Variants in SPAG16 observed in about 807,000 individuals in gnomAD.
SPAG16 encodes the protein sperm associated antigen 16.
A neutral mutation model predicts 80.4 loss-of-function variants in SPAG16; 86 were observed. The ratio of observed to expected loss-of-function variants is 1.07; its 90% CI spans 0.90 to 1.28. The LOEUF is 1.28. SPAG16 is among the 50% of genes most tolerant of loss of function. The probability of loss-of-function intolerance (pLI) is 0.00; values close to 1 mark genes in which losing one functional copy is unlikely to be tolerated. For synonymous variants in SPAG16, 294 were observed against 265.9 expected, an observed-to-expected ratio of 1.11 and a Z score of -1.03; for missense variants, 870 against 765.3, an observed-to-expected ratio of 1.14 and a Z score of -1.61.
At chr2:213,789,453 G>A (rs191315652) in intron 10 of SPAG16, among the ~76,000 whole-genome samples, 2 of 152,062 alleles carry the variant, frequency 1.3e-5, no homozygotes, top group Non-Finnish European at 2.9e-5. Context: ...TTGCCTTTAT[G>A]TTCAGATTTA....
chr2:213,927,937 A>G (rs761447954), intron 11 of SPAG16, among the ~76,000 whole-genome samples: 19 of 152,238 alleles, frequency 1.2e-4, no homozygotes, highest in Admixed American at 2.0e-4. Context: ...GTATTGTTCA[A>G]TCTTTAATAT....
intron 6 of SPAG16, among the ~76,000 whole-genome samples, chr2:213,348,962 G>A (rs114586252): frequency 0.011 from 1,650 of 152,150 alleles, 23 homozygotes; most frequent in Non-Finnish European, 0.015. Flanking sequence ...ATCGTATACT[G>A]AGCCATAAAA....
At chr2:213,541,073 G>T (rs1056532125) in intron 10 of SPAG16, among the ~76,000 whole-genome samples, 3 of 152,202 alleles carry the variant, frequency 2.0e-5, no homozygotes, top group African/African-American at 7.2e-5. Context: ...CCATTGATTA[G>T]GTCAGTACTA....
At chr2:213,434,755 G>T (rs1006104976) in intron 9 of SPAG16, among the ~76,000 whole-genome samples, 1 of 152,196 alleles carries the variant, frequency 6.6e-6, no homozygotes, top group African/African-American at 2.4e-5. Context: ...ACAATGATAT[G>T]TCATCTGACG....
chr2:214,354,333 G>T (rs1698628830), intron 15 of SPAG16, among the ~76,000 whole-genome samples: 1 of 151,888 alleles, frequency 6.6e-6, no homozygotes, highest in South Asian at 2.1e-4. Flanking sequence ...ATTTCTGAGG[G>T]CTCTGTTCTG....
intron 10 of SPAG16, among the ~76,000 whole-genome samples, chr2:213,829,030 C>A (rs1483300800): frequency 6.6e-6 from 1 of 152,164 alleles, no homozygotes; most frequent in Non-Finnish European, 1.5e-5. Flanking sequence ...GTAACCACTA[C>A]CTGGCTAATG....
At chr2:214,148,630 C>G (rs2055785105) in intron 14 of SPAG16, among the ~76,000 whole-genome samples, 3 of 148,686 alleles carry the variant, frequency 2.0e-5, no homozygotes, top group South Asian at 4.4e-4. Flanking sequence ...TACTTCCTAC[C>G]TCTTTTTGTT....
At chr2:214,367,237 C>A (rs1038551705) in intron 15 of SPAG16, among the ~76,000 whole-genome samples, 2 of 152,150 alleles carry the variant, frequency 1.3e-5, no homozygotes, top group African/African-American at 4.8e-5. Context: ...AACGGCTAGA[C>A]TCTCAAGAGT....
At chr2:214,234,729 G>A (rs1688958910) in intron 15 of SPAG16, among the ~76,000 whole-genome samples, 1 of 151,904 alleles carries the variant, frequency 6.6e-6, no homozygotes. Flanking sequence ...CTTTTGAATG[G>A]GGTTGTTTTT....
chr2:214,272,490 G>A (rs1053993039), intron 15 of SPAG16, among the ~76,000 whole-genome samples: 3 of 151,930 alleles, frequency 2.0e-5, no homozygotes, highest in African/African-American at 7.3e-5. Flanking sequence ...GTTCCCCTGT[G>A]TCCAAGTGTT....
At chr2:213,776,808 T>G (rs2069607512) in intron 10 of SPAG16, among the ~76,000 whole-genome samples, 1 of 149,798 alleles carries the variant, frequency 6.7e-6, no homozygotes, top group African/African-American at 2.4e-5. Flanking sequence ...TCATAATATC[T>G]TACCAGCGTT....
chr2:213,608,780 C>T (rs570529477), intron 10 of SPAG16, among the ~76,000 whole-genome samples: 58 of 152,306 alleles, frequency 3.8e-4, no homozygotes, highest in Non-Finnish European at 6.0e-4. Context: ...CCGCCTCCTG[C>T]GTTCACGCCA....
chr2:213,421,507 G>A (rs977889713), intron 9 of SPAG16, among the ~76,000 whole-genome samples: 2 of 152,166 alleles, frequency 1.3e-5, no homozygotes, highest in Non-Finnish European at 2.9e-5. Context: ...GAAAAATGTG[G>A]GTCCCTGGTG....
At chr2:213,988,000 T>C (rs1401448767) in intron 12 of SPAG16, among the ~76,000 whole-genome samples, 1 of 151,786 alleles carries the variant, frequency 6.6e-6, no homozygotes, top group African/African-American at 2.4e-5. Flanking sequence ...ATACATCTTA[T>C]ACTTGCAAAA....
At chr2:213,604,209 TTG>T (rs1166016321) in intron 10 of SPAG16, among the ~76,000 whole-genome samples, 1 of 152,166 alleles carries the variant, frequency 6.6e-6, no homozygotes, top group Non-Finnish European at 1.5e-5. Context: ...CTGTTTATTT[TTG>T]TGTGTCAGTT....
intron 9 of SPAG16, among the ~76,000 whole-genome samples, chr2:213,413,545 CTAT>C (rs2069101669): frequency 6.6e-6 from 1 of 152,114 alleles, no homozygotes; most frequent in African/African-American, 2.4e-5. Context: ...TTTCTTATAA[CTAT>C]TGAGAGGACT....
chr2:213,383,410 T>C (rs1399891550), intron 9 of SPAG16, among the ~76,000 whole-genome samples: 2 of 152,172 alleles, frequency 1.3e-5, no homozygotes, highest in Non-Finnish European at 2.9e-5. Context: ...AAAAATAAGC[T>C]AAGGTTCTTA....
chr2:213,631,081 C>T (rs962870277), intron 10 of SPAG16, among the ~76,000 whole-genome samples: 6 of 152,102 alleles, frequency 3.9e-5, no homozygotes, highest in Non-Finnish European at 7.4e-5. Context: ...ACCGGCAAAA[C>T]TACAGCAAAT....
chr2:213,345,971 C>T (rs1212163877), intron 6 of SPAG16, among the ~76,000 whole-genome samples: 2 of 152,148 alleles, frequency 1.3e-5, no homozygotes, highest in African/African-American at 4.8e-5. Flanking sequence ...TTACCTTGGG[C>T]AGTATGGCCA....
Sources: gnomAD v4.1 joint callset for allele counts (sites outside exome capture counted in the v4.1 genomes callset) on GRCh38, gnomAD v4.1.1 for gene constraint, MANE v1.5 for transcripts, NCBI Gene and HGNC (gene_info 2026-07-23, HGNC 2026-07-21) for gene names.